Variants in ZRANB3 observed in about 807,000 individuals in gnomAD.
ZRANB3 encodes DNA annealing helicase and endonuclease ZRANB3.
In ZRANB3, 125 loss-of-function variants were observed where a neutral mutation model predicts 133.8. The observed-to-expected ratio is 0.93, with a 90% CI of 0.81 to 1.08. The LOEUF (loss-of-function observed/expected upper bound fraction) is 1.08, where lower values mean the gene tolerates loss of function less well. ZRANB3 is among the 50% of genes least tolerant of loss of function. ZRANB3 has a pLI of 0.00. For missense variants in ZRANB3, 1,229 were observed against 1,275.5 expected (o/e 0.96, Z 0.56); for synonymous variants, 387 against 432.7 (o/e 0.89, Z 1.31).
At chr2:135,257,829 G>T (rs1679735494) in intron 12 of ZRANB3, among the ~76,000 whole-genome samples, 1 of 152,156 alleles carries the variant, frequency 6.6e-6, no homozygotes, top group Admixed American at 6.5e-5. Flanking sequence ...ACCTAGTATG[G>T]ATTGGCAAAG....
chr2:135,221,844 C>T (rs1217160630), intron 15 of ZRANB3, among the ~76,000 whole-genome samples: 6 of 152,154 alleles, frequency 3.9e-5, no homozygotes, highest in Non-Finnish European at 8.8e-5. Flanking sequence ...TGATTACTGC[C>T]TGGCTTGGTT....
intron 2 of ZRANB3, among the ~76,000 whole-genome samples, chr2:135,393,597 T>C (rs1395873656): frequency 6.6e-6 from 1 of 152,084 alleles, no homozygotes; most frequent in African/African-American, 2.4e-5. Flanking sequence ...AAGGGAAATT[T>C]CTCTGGGCTG....
intron 1 of ZRANB3, chr2:135,511,695 A>C: frequency 1.3e-6 from 1 of 766,796 alleles, no homozygotes; most frequent in East Asian, 2.4e-5. Context: ...TTAGTGTGGC[A>C]TAAGCATCAA....
chr2:135,388,798 C>T (rs1248106560), intron 3 of ZRANB3, among the ~76,000 whole-genome samples: 8 of 152,058 alleles, frequency 5.3e-5, no homozygotes, highest in African/African-American at 1.7e-4. Context: ...TGTTTTAGGC[C>T]GGGCACGATG....
intron 12 of ZRANB3, among the ~76,000 whole-genome samples, chr2:135,263,664 A>T (rs557251540): frequency 7.0e-4 from 106 of 152,284 alleles, no homozygotes; most frequent in Middle Eastern, 6.8e-3. Flanking sequence ...GTGTTTTTTT[A>T]AAAAGGAGCC....
intron 2 of ZRANB3, among the ~76,000 whole-genome samples, chr2:135,440,636 C>A (rs1256805741): frequency 6.6e-6 from 1 of 152,126 alleles, no homozygotes. Flanking sequence ...GAAATAAATT[C>A]TGTGAACAAA....
At chr2:135,363,846 T>G (rs1230144053) in intron 3 of ZRANB3, among the ~76,000 whole-genome samples, 2 of 152,148 alleles carry the variant, frequency 1.3e-5, no homozygotes, top group African/African-American at 2.4e-5. Flanking sequence ...GAGGCTGATA[T>G]GTGAGGATTG....
chr2:135,399,529 G>T (rs1236059842), intron 2 of ZRANB3, among the ~76,000 whole-genome samples: 4 of 152,086 alleles, frequency 2.6e-5, no homozygotes, highest in Non-Finnish European at 5.9e-5. Flanking sequence ...TTTTTACATT[G>T]TCTTTTCATA....
chr2:135,325,899 T>C (rs1040474399), intron 6 of ZRANB3, among the ~76,000 whole-genome samples: 1 of 152,056 alleles, frequency 6.6e-6, no homozygotes, highest in East Asian at 1.9e-4. Context: ...AATACGAACA[T>C]GGAAATACAG....
At chr2:135,506,007 CA>C (rs1423020693) in intron 1 of ZRANB3, among the ~76,000 whole-genome samples, 1 of 152,002 alleles carries the variant, frequency 6.6e-6, no homozygotes, top group African/African-American at 2.4e-5. Context: ...CACCCAGGAT[CA>C]AAATTAAGAG....
rs556834331 is a variant in ZRANB3 at position 135,517,296 on chromosome 2, C to T, written c.-7-12800G>A. On this transcript the variant is annotated intron_variant, in intron 1 of 20. Coordinates refer to ENST00000264159, the MANE Select transcript of ZRANB3 (RefSeq NM_032143.4). ...CTGTGAATTCATCAAACTCATTCTC[C>T]GTCCACTTTTGTTCCCTTGCTGGCG... Among the ~76,000 whole-genome samples, 601 of 152,108 alleles carry T rather than the reference C, an allele frequency of 4.0e-3. 7 individuals carry two copies. Among genetic ancestry groups the T allele is most frequent in the South Asian group, 0.025 (122 of 4,820 alleles).
Position 135,313,958 on chromosome 2 carries a change from G to A in ZRANB3, c.850-353C>T, listed in dbSNP as rs922375710. Among the ~76,000 whole-genome samples the A allele has an allele frequency of 1.6e-4, 24 of 152,168 alleles. No individual in the cohort carries two copies. The Middle Eastern group carries it at 0.01, about 65-fold the overall frequency. On this transcript the variant is annotated intron_variant, in intron 7 of 20. Transcript: ENST00000264159. ...CGGCTCACTGCAACCTCCGCCTCCC[G>A]GGTTCAAGCGATTCGCCTGCCTCAG...
At chr2:135,247,252 C>T (rs1695838291) in intron 12 of ZRANB3, among the ~76,000 whole-genome samples, 1 of 152,192 alleles carries the variant, frequency 6.6e-6, no homozygotes, top group Non-Finnish European at 1.5e-5. Flanking sequence ...CATTTGTAAA[C>T]AAGCCAACAA....
chr2:135,315,650 CTGAA>C, intron 6 of ZRANB3, 120 bp from the exon 7 acceptor site: 1 of 732,918 alleles, frequency 1.4e-6, no homozygotes, highest in East Asian at 3.2e-5. Context: ...ATTGATATTT[CTGAA>C]TGAATATTAG....
At chr2:135,336,662 T>C (rs1271795258) in intron 6 of ZRANB3, among the ~76,000 whole-genome samples, 1 of 152,132 alleles carries the variant, frequency 6.6e-6, no homozygotes, top group Admixed American at 6.5e-5. Context: ...TCCACAATCA[T>C]AAAGCATTTC....
At chr2:135,254,687 C>A (rs1361327871) in intron 12 of ZRANB3, among the ~76,000 whole-genome samples, 1 of 152,012 alleles carries the variant, frequency 6.6e-6, no homozygotes, top group Admixed American at 6.6e-5. Flanking sequence ...TTATAGTGTC[C>A]AATTCAATGA....
chr2:135,487,592 C>A (rs1289570372), intron 2 of ZRANB3, among the ~76,000 whole-genome samples: 1 of 152,234 alleles, frequency 6.6e-6, no homozygotes, highest in African/African-American at 2.4e-5. Context: ...GCTTCTACAT[C>A]AGCACCTGCT....
At chr2:135,337,190 C>T (rs558143380) in intron 6 of ZRANB3, among the ~76,000 whole-genome samples, 13 of 152,258 alleles carry the variant, frequency 8.5e-5, no homozygotes, top group African/African-American at 3.1e-4. Context: ...AAGACAGCTA[C>T]CAGAAGTAGG....
chr2:135,302,538 T>C (rs1388834817), intron 8 of ZRANB3, among the ~76,000 whole-genome samples: 2 of 152,054 alleles, frequency 1.3e-5, no homozygotes, highest in African/African-American at 2.4e-5. Context: ...GTTTTTTTTT[T>C]TTTTGAGATG....
Sources: gnomAD v4.1 joint callset for allele counts (sites outside exome capture counted in the v4.1 genomes callset) on GRCh38, gnomAD v4.1.1 for gene constraint, MANE v1.5 for transcripts, NCBI Gene and HGNC (gene_info 2026-07-23, HGNC 2026-07-21) for gene names.